The following CPPED1 variants were observed in gnomAD, a reference collection of about 807,000 sequenced individuals.
CPPED1 encodes the protein serine/threonine-protein phosphatase CPPED1.
A neutral mutation model predicts 28.0 loss-of-function variants in CPPED1; 28 were observed. The observed-to-expected ratio is 1.00, with a 90% CI of 0.74 to 1.37. CPPED1 has a LOEUF of 1.37. Among genes scored for constraint, CPPED1 ranks in the 40% most tolerant of loss-of-function variants. CPPED1 has a pLI of 0.00. For synonymous variants in CPPED1, 198 were observed against 180.2 expected (o/e 1.10, Z -0.79); for missense variants, 504 against 416.5 (o/e 1.21, Z -1.83).
chr16:12,800,715 C>T (rs1189297349), intron 1 of CPPED1, among the ~76,000 whole-genome samples: 1 of 152,132 alleles, frequency 6.6e-6, no homozygotes, highest in Non-Finnish European at 1.5e-5. Flanking sequence ...ACACCATGTC[C>T]CAACCTCATC....
At chr16:12,733,332 T>C (rs1395481497) in intron 2 of CPPED1, among the ~76,000 whole-genome samples, 1 of 150,382 alleles carries the variant, frequency 6.6e-6, no homozygotes, top group Non-Finnish European at 1.5e-5. Context: ...TGGAATGCAG[T>C]GGCACAATCT....
rs1246574887 is a variant in CPPED1, at chr16:12,710,014, A to G, written c.290-4965T>C. On this transcript the variant is annotated intron_variant, in intron 2 of 3. Coordinates refer to ENST00000381774, the MANE Select transcript of CPPED1 (RefSeq NM_018340.3). ...GAGAAGAGAAGGAAGGAAGGGAAGG[A>G]AGGGAGGGAAGGAAAGGAAAGGGCA... Among the ~76,000 whole-genome samples the G allele has an allele frequency of 2.0e-5, 3 of 150,788 alleles. No individual in the cohort carries two copies. In the East Asian group the frequency reaches 5.9e-4, roughly 30 times the overall value.
intron 2 of CPPED1, 171 bp downstream of exon 2, chr16:12,781,014 A>C: frequency 1.6e-6 from 1 of 612,348 alleles, no homozygotes; most frequent in Non-Finnish European, 2.9e-6. Flanking sequence ...TCTAAATATA[A>C]CATGAGTGTG....
At chr16:12,720,321 A>T (rs2080132552) in intron 2 of CPPED1, 2 of 154,354 alleles carry the variant, frequency 1.3e-5, no homozygotes, top group Non-Finnish European at 2.9e-5. Flanking sequence ...TGTTCTTTGT[A>T]GCTGTACCTG....
At chr16:12,728,360 T>C (rs532128943) in intron 2 of CPPED1, among the ~76,000 whole-genome samples, 1 of 152,228 alleles carries the variant, frequency 6.6e-6, no homozygotes, top group Non-Finnish European at 1.5e-5. Flanking sequence ...TTAATAGAAA[T>C]AAAATATACT....
intron 2 of CPPED1, among the ~76,000 whole-genome samples, chr16:12,757,132 G>C (rs1359983711): frequency 6.6e-6 from 1 of 152,018 alleles, no homozygotes; most frequent in Non-Finnish European, 1.5e-5. Context: ...CCTCGAGGGT[G>C]ACCAATTAAG....
chr16:12,763,087 C>G (rs538327209), intron 2 of CPPED1, among the ~76,000 whole-genome samples: 3 of 151,754 alleles, frequency 2.0e-5, no homozygotes, highest in Admixed American at 1.3e-4. Flanking sequence ...CAAAAATTAG[C>G]CGGGTGTGGT....
intron 2 of CPPED1, among the ~76,000 whole-genome samples, chr16:12,717,604 G>A (rs948315452): frequency 1.3e-5 from 2 of 151,680 alleles, no homozygotes; most frequent in African/African-American, 2.4e-5. Context: ...GGCAATACTT[G>A]TGTTGAAATA....
intron 2 of CPPED1, chr16:12,745,873 A>AT (rs1455511832): frequency 6.6e-6 from 1 of 152,228 alleles, no homozygotes; most frequent in East Asian, 1.9e-4. Context: ...CAGAAGAAAC[A>AT]TAAAATGACA....
At chr16:12,793,869 G>A (rs529279212) in intron 1 of CPPED1, among the ~76,000 whole-genome samples, 4 of 152,284 alleles carry the variant, frequency 2.6e-5, no homozygotes, top group African/African-American at 9.6e-5. Context: ...TATAAAGCAG[G>A]AAAGATGGGA....
At chr16:12,715,828 C>T (rs774139758) in intron 2 of CPPED1, among the ~76,000 whole-genome samples, 12 of 152,142 alleles carry the variant, frequency 7.9e-5, no homozygotes, top group Non-Finnish European at 1.3e-4. Flanking sequence ...ACTCTCAGCC[C>T]CAATGGGATG....
Position 12,726,717 on chromosome 16 carries a change from G to A in CPPED1, c.290-21668C>T, listed in dbSNP as rs570597884. ...CCAGCTACTCGGGAGGCTGAGGTGG[G>A]AGGATGGCTTGAACGCAGGATGTTG... On this transcript the variant is annotated intron_variant, in intron 2 of 3. Transcript: ENST00000381774. Among the ~76,000 whole-genome samples, 7 of 152,198 alleles carry A rather than the reference G, an allele frequency of 4.6e-5. No homozygotes were observed. The South Asian group carries it at 1.5e-3, about 32-fold the overall frequency.
intron 3 of CPPED1, among the ~76,000 whole-genome samples, chr16:12,683,586 G>A (rs376535742): frequency 5.1e-4 from 78 of 152,174 alleles, no homozygotes; most frequent in East Asian, 1.2e-3. Context: ...ACCCCTCCTC[G>A]TGTGGGTTTA....
In CPPED1 at chr16:12,738,689, G is replaced by C. The variant is rs1416858586; in HGVS notation, c.290-33640C>G. The stretch of plus-strand genomic sequence containing the variant: ...TTCAAATTATTTAGAGAGTTTATGG[G>C]TATGGACTAACCTCTGGGTAATTTA... On this transcript the variant is annotated intron_variant, in intron 2 of 3. Transcript: ENST00000381774. Among the ~76,000 whole-genome samples, 4 of 152,114 alleles carry C rather than the reference G, an allele frequency of 2.6e-5. No individual in the cohort carries two copies. The East Asian group carries it at 7.7e-4, about 29-fold the overall frequency.
intron 2 of CPPED1, among the ~76,000 whole-genome samples, chr16:12,719,855 G>T (rs923508436): frequency 2.2e-4 from 33 of 151,966 alleles, no homozygotes; most frequent in African/African-American, 7.3e-4. Flanking sequence ...AGAATTGCTT[G>T]AACCCAGGAG....
At chr16:12,707,279 G>T (rs1371483052) in intron 2 of CPPED1, among the ~76,000 whole-genome samples, 1 of 152,132 alleles carries the variant, frequency 6.6e-6, no homozygotes, top group Non-Finnish European at 1.5e-5. Context: ...ACTGACTTGG[G>T]GATTTTGGGA....
At chr16:12,679,188 C>T (rs1050576989) in intron 3 of CPPED1, among the ~76,000 whole-genome samples, 1 of 152,150 alleles carries the variant, frequency 6.6e-6, no homozygotes, top group Admixed American at 6.5e-5. Flanking sequence ...GCTATCCTCC[C>T]CATTCGTTTT....
At chr16:12,777,137 T>A (rs1216238053) in intron 2 of CPPED1, among the ~76,000 whole-genome samples, 1 of 152,176 alleles carries the variant, frequency 6.6e-6, no homozygotes, top group African/African-American at 2.4e-5. Context: ...TGAAACTAAG[T>A]CACAGAATAG....
intron 2 of CPPED1, among the ~76,000 whole-genome samples, chr16:12,780,421 C>T (rs550399295): frequency 6.6e-6 from 1 of 152,184 alleles, no homozygotes; most frequent in South Asian, 2.1e-4. Flanking sequence ...AGTGATCCGC[C>T]CACCTCAGCC....
Sources: gnomAD v4.1 joint callset for allele counts (sites outside exome capture counted in the v4.1 genomes callset) on GRCh38, gnomAD v4.1.1 for gene constraint, MANE v1.5 for transcripts, NCBI Gene and HGNC (gene_info 2026-07-23, HGNC 2026-07-21) for gene names.